Variants in BLM observed in about 807,000 individuals in gnomAD.
The protein encoded by BLM is BLM RecQ like helicase.
A neutral mutation model predicts 135.3 loss-of-function variants in BLM; 95 were observed. That is an observed-to-expected ratio of 0.70 (90% CI 0.59 to 0.83). BLM has a LOEUF of 0.83. Among genes scored for constraint, BLM ranks in the 40% least tolerant of loss-of-function variants. The pLI is 0.00. For synonymous variants in BLM, 520 were observed against 589.2 expected (o/e 0.88, Z 1.70); for missense variants, 1,518 against 1,663.9 (o/e 0.91, Z 1.53).
chr15:90,787,753 C>A (rs111362737), intron 14 of BLM, among the ~76,000 whole-genome samples: 1 of 151,838 alleles, frequency 6.6e-6, no homozygotes, highest in Non-Finnish European at 1.5e-5. Context: ...AGTTTGAGAC[C>A]AGCCTGGCCA....
In BLM at chr15:90,769,555, C is replaced by A. The variant is rs1209722688; in HGVS notation, c.2524C>A (p.Leu842Met). ...TAATCCCAGGGTACAGAAGGACATC[C>A]TGACTCAGCTGAAGATTCTCAGACC... ...TANPRVQKDI[L>M]TQLKILRPQV... Residue 842 changes from leucine to methionine, a missense_variant, in exon 12 of 22, where the codon CTG (leucine) becomes ATG (methionine). Coordinates refer to ENST00000355112, the MANE Select transcript of BLM (RefSeq NM_000057.4). 3.1e-6 allele frequency: 5 copies of A among 1,613,932 alleles called. No homozygotes were observed. The highest frequency in any genetic ancestry group is 4.2e-6 in the Non-Finnish European group (5 of 1,179,954).
At chr15:90,788,737 C>T (rs1896822082) in intron 14 of BLM, among the ~76,000 whole-genome samples, 1 of 151,832 alleles carries the variant, frequency 6.6e-6, no homozygotes, top group South Asian at 2.1e-4. Flanking sequence ...CTTTGGGAGG[C>T]CAAGGTGGGA....
intron 19 of BLM, among the ~76,000 whole-genome samples, chr15:90,806,240 G>A (rs416014): frequency 0.3 from 45,559 of 152,072 alleles, 8,511 homozygotes; most frequent in East Asian, 0.55. Context: ...GCTGGGGGCC[G>A]TGGCTCACGC....
At chr15:90,796,185 G>A (rs7179414) in intron 16 of BLM, among the ~76,000 whole-genome samples, 1,991 of 152,274 alleles carry the variant, frequency 0.013, 45 homozygotes, top group African/African-American at 0.046. Context: ...AAGGCTGGTT[G>A]GCAGAGAAGA....
rs746105988 is a variant in BLM at position 90,760,135 on chromosome 15, A to G, written c.1088-12A>G. Reference sequence around the variant, plus strand: ...CTCAAAGAAAAATATTAACAACATAATTATTTTATAGCTAGACAGATAAGT... The same window carrying G: ...CTCAAAGAAAAATATTAACAACATAGTTATTTTATAGCTAGACAGATAAGT... On this transcript the variant is annotated splice_polypyrimidine_tract_variant and intron_variant, in intron 5 of 21. Transcript: ENST00000355112. 3 of 1,608,788 alleles carry G rather than the reference A, an allele frequency of 1.9e-6. No individual in the cohort carries two copies. The Admixed American group carries it at 5.0e-5, about 27-fold the overall frequency.
intron 17 of BLM, among the ~76,000 whole-genome samples, chr15:90,800,684 A>G (rs928384679): frequency 6.6e-6 from 1 of 151,794 alleles, no homozygotes; most frequent in Non-Finnish European, 1.5e-5. Context: ...CCATCTCAAA[A>G]AAAAAAGAAG....
At chr15:90,750,254 T>C (rs540296614) in intron 3 of BLM, among the ~76,000 whole-genome samples, 187 bp downstream of exon 3, 2 of 152,336 alleles carry the variant, frequency 1.3e-5, no homozygotes, top group South Asian at 4.1e-4. Flanking sequence ...TGGAAGGTTT[T>C]AGTCTGCTAA....
chr15:90,794,395 T>G, intron 16 of BLM, 38 bp downstream of exon 16: 2 of 1,384,722 alleles, frequency 1.4e-6, no homozygotes, highest in Non-Finnish European at 9.6e-7. Context: ...ATAATTAAAT[T>G]TTTTTTCTCT....
At chr15:90,812,991 G>A (rs28385168) in intron 21 of BLM, among the ~76,000 whole-genome samples, 13 of 152,106 alleles carry the variant, frequency 8.5e-5, no homozygotes, top group African/African-American at 2.7e-4. Flanking sequence ...ACACAGAGCC[G>A]GAGACCTTAA....
Position 90,792,052 on chromosome 15 carries a change from T to C in BLM, c.3019+1208T>C, listed in dbSNP as rs76151225. On this transcript the variant is annotated intron_variant, in intron 15 of 21. Transcript: ENST00000355112. ...CCTGGGTTGTGAGAGTTAAATATATTTCCTAAATATATGTATTTCTTCTGA... is the reference window on the plus strand; with the variant it reads ...CCTGGGTTGTGAGAGTTAAATATATCTCCTAAATATATGTATTTCTTCTGA... 6.0e-4 allele frequency among the ~76,000 whole-genome samples: 92 copies of C among 152,278 alleles called. 2 individuals carry two copies. In the East Asian group the frequency reaches 0.015, roughly 25 times the overall value.
intron 8 of BLM, among the ~76,000 whole-genome samples, chr15:90,764,220 G>C (rs1184483783): frequency 3.4e-5 from 5 of 148,556 alleles, no homozygotes; most frequent in African/African-American, 1.2e-4. Flanking sequence ...TCAACCACTT[G>C]TGAGAGAGAG....
At position 90,798,327 on chromosome 15, in the gene BLM, C is replaced by G; in HGVS notation, c.3348C>G (p.Asp1116Glu). ...GATTTACTATGAATATGCTGGTCGA[C>G]ATTTTCTTGGGTAAGTCATCTGTTT... ...SGRFTMNMLV[D>E]IFLGSKSAKI... is the part of the protein sequence containing the mutation. Residue 1116 changes from aspartate (D) to glutamate (E), a missense_variant, in exon 17 of 22, where the codon GAC becomes GAG. Coordinates refer to ENST00000355112, the MANE Select transcript of BLM (RefSeq NM_000057.4). The G allele has an allele frequency of 6.2e-7, 1 of 1,612,868 alleles. No individual in the cohort carries two copies. Among genetic ancestry groups the G allele is most frequent in the Non-Finnish European group, 8.5e-7 (1 of 1,179,486 alleles).
intron 16 of BLM, among the ~76,000 whole-genome samples, chr15:90,795,502 T>G (rs1897008403): frequency 6.6e-6 from 1 of 151,894 alleles, no homozygotes; most frequent in South Asian, 2.1e-4. Context: ...TTTAGTACTC[T>G]CAGTAAGTAT....
intron 7 of BLM, 90 bp from the exon 8 acceptor site, chr15:90,762,876 C>A: frequency 8.5e-7 from 1 of 1,175,042 alleles, no homozygotes; most frequent in Non-Finnish European, 1.2e-6. Context: ...GAAACGTGTG[C>A]CAGTGATTCT....
At chr15:90,800,249 A>G (rs937858828) in intron 17 of BLM, among the ~76,000 whole-genome samples, 15 of 152,246 alleles carry the variant, frequency 9.9e-5, no homozygotes, top group Non-Finnish European at 2.2e-4. Flanking sequence ...AATATCAGCA[A>G]TCCTGGAGAC....
At position 90,760,675 on chromosome 15, in the gene BLM, A is replaced by C; in HGVS notation, c.1302A>C (p.Ser434=). Residue 434 remains serine, a synonymous_variant, in exon 7 of 22, where the codon TCA becomes TCC. Coordinates refer to ENST00000355112, the MANE Select transcript of BLM (RefSeq NM_000057.4). ...CATTGTGGAGATACAGGCCTGATTC[A>C]CTTGATGGCCCTATGGAGGGTGATT... The part of the protein sequence containing the change: ...LGSLWRYRPD[S]LDGPMEGDSC... The C allele has an allele frequency of 1.2e-6, 2 of 1,614,030 alleles. No homozygotes were observed. The highest frequency in any genetic ancestry group is 1.7e-6 in the Non-Finnish European group (2 of 1,179,896).
intron 19 of BLM, among the ~76,000 whole-genome samples, chr15:90,805,729 C>T (rs1245325699): frequency 6.6e-6 from 1 of 151,802 alleles, no homozygotes; most frequent in East Asian, 2.0e-4. Flanking sequence ...CAGGGTTTCA[C>T]CATGTTGGCC....
At position 90,760,811 on chromosome 15, in the gene BLM, T is replaced by C. The variant is rs1555419877; in HGVS notation, c.1438T>C (p.Ser480Pro). Residue 480 changes from serine (S) to proline (P), a missense_variant, in exon 7 of 22, where the codon TCT (serine) becomes CCT (proline). This residue lies in a region of BLM where 724 missense variants were observed against 756.9 expected (regional missense o/e 0.96). Transcript: ENST00000355112. ...LTTTLGKTGF[S>P]ATRKNLFERP... is the part of the protein sequence containing the mutation. ...TACCACCCTAGGAAAGACAGGATTC[T>C]CTGCCACCAGGAAGAATCTTTTTGA... 1 of 1,614,086 alleles carries C rather than the reference T, an allele frequency of 6.2e-7. No individual in the cohort carries two copies. The highest frequency in any genetic ancestry group is 8.5e-7 in the Non-Finnish European group (1 of 1,180,016).
At chr15:90,725,372 A>G (rs917232616) in intron 1 of BLM, among the ~76,000 whole-genome samples, 3 of 151,888 alleles carry the variant, frequency 2.0e-5, no homozygotes, top group African/African-American at 7.3e-5. Context: ...TTATATTTAC[A>G]TTTTTATTTT....
Sources: gnomAD v4.1 joint callset for allele counts (sites outside exome capture counted in the v4.1 genomes callset) on GRCh38, gnomAD v4.1.1 for gene constraint, gnomAD v4.1.1 regional missense constraint, MANE v1.5 for transcripts, NCBI Gene and HGNC (gene_info 2026-07-23, HGNC 2026-07-21) for gene names.